The following ANTXR1 variants were observed in gnomAD, a reference collection of about 807,000 sequenced individuals.
The protein encoded by ANTXR1 is anthrax toxin receptor 1.
In ANTXR1, 19 loss-of-function variants were observed where a neutral mutation model predicts 78.1. The observed-to-expected ratio is 0.24, with a 90% CI of 0.17 to 0.36. The LOEUF (loss-of-function observed/expected upper bound fraction) is 0.36. ANTXR1 is among the 10% of genes least tolerant of loss of function. The probability of loss-of-function intolerance (pLI) is 1.00; values close to 1 mark genes in which losing one functional copy is unlikely to be tolerated. For missense variants in ANTXR1, 518 were observed against 718.6 expected, an observed-to-expected ratio of 0.72 and a Z score of 3.19; for synonymous variants, 273 against 260.5, an observed-to-expected ratio of 1.05 and a Z score of -0.46.
chr2:69,191,545 GCA>G (rs934502575), intron 16 of ANTXR1, among the ~76,000 whole-genome samples: 12 of 152,136 alleles, frequency 7.9e-5, no homozygotes, highest in Non-Finnish European at 1.6e-4. Context: ...CCCAGTTTGT[GCA>G]CACACAGTCA....
chr2:69,124,214 A>G (rs992424492), intron 11 of ANTXR1, among the ~76,000 whole-genome samples: 2 of 152,228 alleles, frequency 1.3e-5, no homozygotes, highest in East Asian at 3.8e-4. Context: ...GACTTGGACT[A>G]TTTTTGAAGA....
At chr2:69,210,890 C>T (rs532971040) in intron 17 of ANTXR1, among the ~76,000 whole-genome samples, 3 of 144,088 alleles carry the variant, frequency 2.1e-5, no homozygotes, top group South Asian at 2.2e-4. Context: ...GAGCTGAGAT[C>T]GTGCCACTGC....
At chr2:69,223,758 G>T (rs1675378282) in intron 17 of ANTXR1, among the ~76,000 whole-genome samples, 1 of 152,206 alleles carries the variant, frequency 6.6e-6, no homozygotes, top group South Asian at 2.1e-4. Flanking sequence ...TCAAACTGAG[G>T]TGTTAAGAGA....
intron 10 of ANTXR1, among the ~76,000 whole-genome samples, chr2:69,120,099 G>A (rs771105681): frequency 5.3e-5 from 8 of 152,124 alleles, no homozygotes; most frequent in African/African-American, 9.7e-5. Context: ...GCTTAGCCTC[G>A]CCTACCTTAA....
chr2:69,243,859 C>T (rs904045812), intron 17 of ANTXR1, among the ~76,000 whole-genome samples: 1 of 152,192 alleles, frequency 6.6e-6, no homozygotes, highest in Non-Finnish European at 1.5e-5. Flanking sequence ...GGAGCAACCC[C>T]ACCTCAGCCG....
intron 17 of ANTXR1, among the ~76,000 whole-genome samples, chr2:69,219,312 A>T (rs1675256832): frequency 6.6e-6 from 1 of 151,534 alleles, no homozygotes; most frequent in Admixed American, 6.6e-5. Context: ...AATTCCCCAA[A>T]AGGAGAAAGG....
chr2:69,228,426 T>C (rs771570530), intron 17 of ANTXR1, among the ~76,000 whole-genome samples: 3 of 152,202 alleles, frequency 2.0e-5, no homozygotes, highest in Non-Finnish European at 2.9e-5. Flanking sequence ...TTCATTCCAA[T>C]CTAAAAGCAC....
intron 12 of ANTXR1, among the ~76,000 whole-genome samples, chr2:69,129,254 AAAGC>A (rs1672646905): frequency 6.6e-6 from 1 of 152,254 alleles, no homozygotes; most frequent in South Asian, 2.1e-4. Context: ...CCTTTTGAAC[AAAGC>A]AAGCAAATTT....
chr2:69,106,839 T>A (rs1045163043), intron 10 of ANTXR1, among the ~76,000 whole-genome samples: 3 of 152,124 alleles, frequency 2.0e-5, no homozygotes, highest in Admixed American at 2.0e-4. Flanking sequence ...CATGTCAAGA[T>A]GAATGAAACA....
intron 17 of ANTXR1, among the ~76,000 whole-genome samples, chr2:69,205,911 T>A (rs922616857): frequency 2.0e-5 from 3 of 151,340 alleles, no homozygotes; most frequent in African/African-American, 7.3e-5. Context: ...TTTCTTTAAG[T>A]TTGTTTGAAA....
chr2:69,097,947 G>A (rs1470293673), intron 9 of ANTXR1, among the ~76,000 whole-genome samples: 1 of 152,228 alleles, frequency 6.6e-6, no homozygotes, highest in Non-Finnish European at 1.5e-5. Context: ...AATTGTGACT[G>A]TGTCCTAAAA....
chr2:69,122,307 T>C (rs976987623), intron 10 of ANTXR1, among the ~76,000 whole-genome samples: 1 of 152,230 alleles, frequency 6.6e-6, no homozygotes, highest in African/African-American at 2.4e-5. Flanking sequence ...TACAGGAAGC[T>C]TCCTGTCTTA....
chr2:69,030,001 CG>C (rs1345035554), intron 1 of ANTXR1, among the ~76,000 whole-genome samples: 1 of 152,152 alleles, frequency 6.6e-6, no homozygotes, highest in Non-Finnish European at 1.5e-5. Context: ...CAAGAAGATG[CG>C]GTTTATTCTT....
intron 17 of ANTXR1, among the ~76,000 whole-genome samples, chr2:69,194,895 C>T (rs567344726): frequency 5.3e-5 from 8 of 151,962 alleles, no homozygotes; most frequent in Non-Finnish European, 1.0e-4. Context: ...TCGGGCCGGG[C>T]GTGGTGTCTC....
At chr2:69,184,598 C>A (rs916824459) in intron 16 of ANTXR1, among the ~76,000 whole-genome samples, 2 of 152,168 alleles carry the variant, frequency 1.3e-5, no homozygotes, top group African/African-American at 4.8e-5. Flanking sequence ...ACTGAGAGAA[C>A]ATTAATTCTG....
At chr2:69,159,401 G>A (rs1673617698) in intron 13 of ANTXR1, among the ~76,000 whole-genome samples, 1 of 151,976 alleles carries the variant, frequency 6.6e-6, no homozygotes, top group South Asian at 2.1e-4. Context: ...TGGTGAGACA[G>A]CATCACTATT....
chr2:69,111,767 A>T (rs1311228585), intron 10 of ANTXR1, among the ~76,000 whole-genome samples: 1 of 152,242 alleles, frequency 6.6e-6, no homozygotes, highest in Non-Finnish European at 1.5e-5. Flanking sequence ...GACAACACTC[A>T]TTCGAACGTA....
At chr2:69,235,719 ATTT>A (rs202084942) in intron 17 of ANTXR1, among the ~76,000 whole-genome samples, 7,262 of 148,056 alleles carry the variant, frequency 0.049, 669 homozygotes, top group African/African-American at 0.17. Context: ...ACATAAACTT[ATTT>A]AACTTCTGTA....
chr2:69,018,068 AAG>A (rs1217590796), intron 1 of ANTXR1, among the ~76,000 whole-genome samples: 1 of 152,180 alleles, frequency 6.6e-6, no homozygotes, highest in Admixed American at 6.5e-5. Context: ...GAATGTGGGA[AAG>A]AGAGCAGGAG....
Sources: gnomAD v4.1 joint callset for allele counts (sites outside exome capture counted in the v4.1 genomes callset) on GRCh38, gnomAD v4.1.1 for gene constraint, MANE v1.5 for transcripts, NCBI Gene and HGNC (gene_info 2026-07-23, HGNC 2026-07-21) for gene names.